ROBO1: variants seen among roughly 807,000 people sequenced by gnomAD.
The protein encoded by ROBO1 is roundabout homolog 1.
ROBO1 carries 149 observed loss-of-function variants against 195.9 expected under a neutral mutation model. That is an observed-to-expected ratio of 0.76 (90% confidence interval 0.67 to 0.87). The LOEUF is 0.87. ROBO1 is among the 40% of genes least tolerant of loss of function. The probability of loss-of-function intolerance (pLI) is 0.00; values close to 1 mark genes in which losing one functional copy is unlikely to be tolerated. For missense variants in ROBO1, 1,933 were observed against 2,068.3 expected, an observed-to-expected ratio of 0.93 and a Z score of 1.27; for synonymous variants, 816 against 733.2, an observed-to-expected ratio of 1.11 and a Z score of -1.82.
intron 29 of ROBO1, among the ~76,000 whole-genome samples, chr3:78,605,129 C>T (rs1220128520): frequency 6.6e-6 from 1 of 152,188 alleles, no homozygotes; most frequent in Non-Finnish European, 1.5e-5. Context: ...TTGCAAGATC[C>T]CTTTTTTCCT....
Position 78,631,222 on chromosome 3 carries a change from G to C in ROBO1, c.3565C>G (p.Pro1189Ala), listed in dbSNP as rs769582738. The C allele has an allele frequency of 2.5e-6, 4 of 1,613,206 alleles. No homozygotes were observed. The change falls in exon 25 of 31, where the codon CCC (proline) becomes GCC (alanine). Residue 1189 changes from proline (P) to alanine (A), a missense_variant. By Grantham distance (27) the Pro-to-Ala change is conservative (BLOSUM62 -1). Around this residue, in one of 3 missense-constraint regions of ROBO1, gnomAD observed 1,737 missense variants for 1,882.5 expected, o/e 0.92. Coordinates refer to ENST00000464233, the MANE Select transcript of ROBO1 (RefSeq NM_002941.4). Reference sequence around the variant, plus strand: ...CTGTGTGGAGGAGGATGTGCTGGGGGAGGAGGAAGCAGGTCTGCCCAGTTC... The same window carrying C: ...CTGTGTGGAGGAGGATGTGCTGGGGCAGGAGGAAGCAGGTCTGCCCAGTTC... ...GMNWADLLPP[P>A]PAHPPPHSNS...
At chr3:79,188,949 C>G (rs188156642) in intron 2 of ROBO1, among the ~76,000 whole-genome samples, 177 of 151,680 alleles carry the variant, frequency 1.2e-3, no homozygotes, top group Non-Finnish European at 2.0e-3. Flanking sequence ...AAAAGAGGAC[C>G]AAGGGAGCTT....
At chr3:78,774,455 C>T (rs895412966) in intron 4 of ROBO1, among the ~76,000 whole-genome samples, 3 of 152,126 alleles carry the variant, frequency 2.0e-5, no homozygotes, top group East Asian at 3.9e-4. Flanking sequence ...GGACTACAGG[C>T]GCCTGCCACC....
intron 1 of ROBO1, among the ~76,000 whole-genome samples, chr3:79,727,937 ACCTG>A (rs1409386252): frequency 6.6e-6 from 1 of 152,098 alleles, no homozygotes; most frequent in Admixed American, 6.6e-5. Flanking sequence ...ATGTATAGCA[ACCTG>A]CTTTTTATTT....
intron 2 of ROBO1, among the ~76,000 whole-genome samples, chr3:79,325,472 G>A (rs1056229917): frequency 6.6e-6 from 1 of 152,110 alleles, no homozygotes; most frequent in Non-Finnish European, 1.5e-5. Context: ...TCATTGTCAA[G>A]ATTATTTTCT....
chr3:78,942,373 A>C (rs1420017148), intron 3 of ROBO1, among the ~76,000 whole-genome samples: 2 of 152,086 alleles, frequency 1.3e-5, no homozygotes, highest in Non-Finnish European at 2.9e-5. Flanking sequence ...AGAAGGAAGA[A>C]TCTCAAGATA....
At chr3:79,656,953 TG>T (rs1436608163) in intron 1 of ROBO1, among the ~76,000 whole-genome samples, 1 of 151,908 alleles carries the variant, frequency 6.6e-6, no homozygotes, top group Non-Finnish European at 1.5e-5. Context: ...CTATAGCAGG[TG>T]TAGAAAAGGG....
intron 22 of ROBO1, among the ~76,000 whole-genome samples, chr3:78,636,874 C>G (rs1037157738): frequency 2.7e-5 from 4 of 146,242 alleles, no homozygotes; most frequent in Non-Finnish European, 6.0e-5. Context: ...CCAGTTTTCT[C>G]TCTATTGAAA....
chr3:79,706,209 G>T (rs1349914286), intron 1 of ROBO1, among the ~76,000 whole-genome samples: 1 of 152,062 alleles, frequency 6.6e-6, no homozygotes. Context: ...TGGTGGGAAT[G>T]GGCATCATTG....
chr3:79,060,577 T>C (rs1286949392), intron 3 of ROBO1, among the ~76,000 whole-genome samples: 1 of 151,790 alleles, frequency 6.6e-6, no homozygotes, highest in Non-Finnish European at 1.5e-5. Context: ...GTTGAAATAT[T>C]GGGGGCTGGT....
At chr3:78,991,796 C>T (rs2108062191) in intron 3 of ROBO1, among the ~76,000 whole-genome samples, 1 of 151,982 alleles carries the variant, frequency 6.6e-6, no homozygotes, top group African/African-American at 2.4e-5. Context: ...GAAAAAGCAG[C>T]AGGATGAGAT....
chr3:78,681,252 G>A (rs903477104), intron 10 of ROBO1, among the ~76,000 whole-genome samples: 40 of 152,036 alleles, frequency 2.6e-4, no homozygotes, highest in South Asian at 2.1e-4. Flanking sequence ...GTTAATGGGT[G>A]CAGCACAGCA....
At chr3:79,371,653 G>A (rs559136938) in intron 2 of ROBO1, among the ~76,000 whole-genome samples, 1 of 152,152 alleles carries the variant, frequency 6.6e-6, no homozygotes, top group Non-Finnish European at 1.5e-5. Flanking sequence ...AAACATTGAG[G>A]ATGAAGAAAG....
chr3:78,973,940 G>A lies in ROBO1; in HGVS notation c.173-35013C>T, dbSNP rs139904360. On this transcript the variant is annotated intron_variant, in intron 3 of 30. Transcript: ENST00000464233. ...TGTATCATATTTTCCTTACAAATACGTAATCAGCATTGTACAACTTTGGTC... is the reference window on the plus strand; with the variant it reads ...TGTATCATATTTTCCTTACAAATACATAATCAGCATTGTACAACTTTGGTC... Among the ~76,000 whole-genome samples the A allele has an allele frequency of 5.3e-3, 810 of 151,878 alleles. 9 individuals are homozygous for A. The highest frequency in any genetic ancestry group is 6.7e-3 in the Non-Finnish European group (457 of 67,928).
chr3:79,054,173 T>C (rs1447384097), intron 3 of ROBO1, among the ~76,000 whole-genome samples: 3 of 152,202 alleles, frequency 2.0e-5, no homozygotes, highest in South Asian at 4.1e-4. Flanking sequence ...CAGGCTCTGA[T>C]AGTTTCTCTG....
intron 2 of ROBO1, among the ~76,000 whole-genome samples, chr3:79,237,603 G>C (rs2082435521): frequency 6.6e-6 from 1 of 152,050 alleles, no homozygotes; most frequent in Non-Finnish European, 1.5e-5. Flanking sequence ...AATGACCTGT[G>C]GTTTCATCTG....
At chr3:78,960,393 AATATCT>A (rs1272558657) in intron 3 of ROBO1, among the ~76,000 whole-genome samples, 2 of 149,930 alleles carry the variant, frequency 1.3e-5, no homozygotes, top group Middle Eastern at 3.6e-3. Context: ...ATGTATTTGT[AATATCT>A]ATATTTCTAT....
chr3:78,784,073 T>C (rs1389730276), intron 4 of ROBO1, among the ~76,000 whole-genome samples: 3 of 152,126 alleles, frequency 2.0e-5, no homozygotes, highest in African/African-American at 7.2e-5. Context: ...TTTTAAATAA[T>C]AGATTTATAA....
At chr3:79,090,946 A>G (rs1414630822) in intron 3 of ROBO1, among the ~76,000 whole-genome samples, 1 of 152,152 alleles carries the variant, frequency 6.6e-6, no homozygotes, top group Non-Finnish European at 1.5e-5. Flanking sequence ...GTCTATTATA[A>G]TAAGAATAAT....
Sources: allele counts gnomAD v4.1 joint callset (sites outside exome capture counted in the v4.1 genomes callset), GRCh38; gene constraint gnomAD v4.1.1; regional missense constraint gnomAD v4.1.1; transcripts MANE v1.5; gene names NCBI Gene and HGNC (gene_info 2026-07-23, HGNC 2026-07-21).